Variants in OSBPL8 observed in about 807,000 individuals in gnomAD.
OSBPL8 encodes oxysterol binding protein like 8.
In OSBPL8, 59 loss-of-function variants were observed where a neutral mutation model predicts 125.5. The observed-to-expected ratio is 0.47, with a 90% confidence interval of 0.38 to 0.58. OSBPL8 has a LOEUF of 0.58. OSBPL8 is among the 20% of genes least tolerant of loss of function. The pLI is 0.00. For synonymous variants in OSBPL8, 330 were observed against 338.9 expected, an observed-to-expected ratio of 0.97 and a Z score of 0.29; for missense variants, 758 against 1,047.8, an observed-to-expected ratio of 0.72 and a Z score of 3.82.
At chr12:76,387,389 G>C (rs961053104) in intron 12 of OSBPL8, among the ~76,000 whole-genome samples, 2 of 152,090 alleles carry the variant, frequency 1.3e-5, no homozygotes, top group African/African-American at 4.8e-5. Flanking sequence ...ACCTGCTCTT[G>C]TGTGCTATCA....
intron 2 of OSBPL8, among the ~76,000 whole-genome samples, chr12:76,475,758 G>A (rs1876727953): frequency 6.6e-6 from 1 of 152,186 alleles, no homozygotes; most frequent in Non-Finnish European, 1.5e-5. Flanking sequence ...AAGGCCAGGA[G>A]AAGGGAACAG....
chr12:76,425,629 G>A (rs1489991280), intron 4 of OSBPL8, among the ~76,000 whole-genome samples: 2 of 152,190 alleles, frequency 1.3e-5, no homozygotes, highest in African/African-American at 4.8e-5. Flanking sequence ...CTTTGCCCAA[G>A]TTCTTTGTTG....
intron 10 of OSBPL8, among the ~76,000 whole-genome samples, chr12:76,392,227 T>C (rs779332163): frequency 3.3e-5 from 5 of 152,298 alleles, no homozygotes; most frequent in South Asian, 2.1e-4. Flanking sequence ...GTTTCACACA[T>C]GATGTAATAT....
At chr12:76,363,351 C>T (rs867904330) in intron 21 of OSBPL8, among the ~76,000 whole-genome samples, 6 of 152,238 alleles carry the variant, frequency 3.9e-5, no homozygotes, top group Non-Finnish European at 5.9e-5. Context: ...TCAGAAATAA[C>T]GCCACACATC....
chr12:76,549,336 C>G (rs1347408621), intron 1 of OSBPL8, among the ~76,000 whole-genome samples: 1 of 152,132 alleles, frequency 6.6e-6, no homozygotes, highest in East Asian at 1.9e-4. Flanking sequence ...GTAGAAGATA[C>G]AAAAGAACGG....
intron 18 of OSBPL8, among the ~76,000 whole-genome samples, chr12:76,372,916 G>A (rs566633438): frequency 1.3e-5 from 2 of 152,214 alleles, no homozygotes; most frequent in South Asian, 4.1e-4. Context: ...GGGTTCCTGG[G>A]CTTTAATTCT....
At position 76,559,639 on chromosome 12, in the gene OSBPL8, GA is replaced by G. The variant is rs1318654891; in HGVS notation, c.-311del. The G allele has an allele frequency of 2.1e-4, 32 of 152,350 alleles. No homozygotes were observed. Among genetic ancestry groups the G allele is most frequent in the African/African-American group, 7.7e-4 (32 of 41,586 alleles). The allele number at this position is 152,350 out of a possible 1,614,324, so 9.4% of individuals were successfully genotyped here. On this transcript the variant is annotated 5_prime_UTR_variant, in exon 1 of 24. Transcript: ENST00000261183. ...GCCCCGAGGTCCACCAGCCCGGGCG[GA>G]CCCCCACCTTCCCTCAGTCGGCTTG...
At chr12:76,509,351 T>TA (rs1880746119) in intron 1 of OSBPL8, among the ~76,000 whole-genome samples, 1 of 152,184 alleles carries the variant, frequency 6.6e-6, no homozygotes, top group African/African-American at 2.4e-5. Context: ...TGCCTGTTGT[T>TA]AAGTGACCCA....
chr12:76,521,015 GA>G (rs1288245336), intron 1 of OSBPL8, among the ~76,000 whole-genome samples: 1 of 152,150 alleles, frequency 6.6e-6, no homozygotes, highest in Non-Finnish European at 1.5e-5. Context: ...TAATGTATCA[GA>G]AAGAGCAAAG....
chr12:76,438,658 T>A lies in OSBPL8; in HGVS notation c.217+12193A>T, dbSNP rs550573109. Among the ~76,000 whole-genome samples the A allele has an allele frequency of 9.4e-4, 143 of 152,222 alleles. 1 individual carries two copies. The highest frequency in any genetic ancestry group is 3.1e-3 in the African/African-American group (129 of 41,458). Reference sequence around the variant, plus strand: ...CATGGTTAGGAAAGATCAAGTCTATTCCTAGTTTGCTAAGAGTTTTTATCG... The same window carrying A: ...CATGGTTAGGAAAGATCAAGTCTATACCTAGTTTGCTAAGAGTTTTTATCG... On this transcript the variant is annotated intron_variant, in intron 4 of 23. Coordinates refer to ENST00000261183, the MANE Select transcript of OSBPL8 (RefSeq NM_020841.5).
At chr12:76,397,546 T>C in intron 8 of OSBPL8, 148 bp downstream of exon 8, 8 of 780,526 alleles carry the variant, frequency 1.0e-5, no homozygotes, top group Non-Finnish European at 1.6e-5. Flanking sequence ...TTGTTGTGGG[T>C]AGAGGCAGAA....
At chr12:76,400,424 A>C (rs985678880) in intron 6 of OSBPL8, among the ~76,000 whole-genome samples, 1 of 152,174 alleles carries the variant, frequency 6.6e-6, no homozygotes, top group Admixed American at 6.5e-5. Flanking sequence ...GGTTGATTCC[A>C]TGTCTTTGCT....
chr12:76,369,834 GC>G lies in OSBPL8; in HGVS notation c.2055-13del. 6.3e-7 allele frequency: 1 copy of G among 1,589,526 alleles called. No individual in the cohort carries two copies. Among genetic ancestry groups the G allele is most frequent in the Non-Finnish European group, 8.6e-7 (1 of 1,168,930 alleles). On this transcript the variant is annotated splice_polypyrimidine_tract_variant and intron_variant, in intron 19 of 23. Transcript: ENST00000261183. Reference sequence around the variant, plus strand: ...CCCGTTGCCAGAGTCTAATACATGTGCGAAAATATTAAAAGTATTAAAAATG... The same window carrying G: ...CCCGTTGCCAGAGTCTAATACATGTGGAAAATATTAAAAGTATTAAAAATG...
At chr12:76,438,352 G>A (rs1023737369) in intron 4 of OSBPL8, among the ~76,000 whole-genome samples, 2 of 151,034 alleles carry the variant, frequency 1.3e-5, no homozygotes, top group Non-Finnish European at 2.9e-5. Flanking sequence ...GCTCACGCTG[G>A]AGAGCAGTGG....
chr12:76,470,702 A>C (rs34234937), intron 2 of OSBPL8, among the ~76,000 whole-genome samples: 31,010 of 152,150 alleles, frequency 0.2, 3,402 homozygotes, highest in Non-Finnish European at 0.26. Context: ...CACACTGCAC[A>C]GCATCAAGCC....
At chr12:76,422,750 C>G (rs759928786) in intron 4 of OSBPL8, 14 of 365,264 alleles carry the variant, frequency 3.8e-5, no homozygotes, top group Non-Finnish European at 7.3e-5. Flanking sequence ...TGTAGCAAAA[C>G]CCACCAGCAC....
intron 1 of OSBPL8, among the ~76,000 whole-genome samples, chr12:76,523,469 T>C (rs1238447337): frequency 6.6e-6 from 1 of 152,238 alleles, no homozygotes; most frequent in African/African-American, 2.4e-5. Context: ...TGAATATTTA[T>C]GTCCTCTCCA....
At chr12:76,395,509 C>T (rs370735051) in intron 8 of OSBPL8, among the ~76,000 whole-genome samples, 17 of 151,790 alleles carry the variant, frequency 1.1e-4, no homozygotes, top group East Asian at 5.8e-4. Flanking sequence ...AGATTCAAAA[C>T]GAAAACAGAA....
rs1565907167 is a variant in OSBPL8 at position 76,450,980 on chromosome 12, C to T, written c.88G>A (p.Ala30Thr). Residue 30 changes from alanine to threonine, a missense_variant, in exon 4 of 24, where the codon GCA becomes ACA. Physicochemically the swap from Ala to Thr is moderately conservative, Grantham distance 58. Coordinates refer to ENST00000261183, the MANE Select transcript of OSBPL8 (RefSeq NM_020841.5). Reference sequence around the variant, plus strand: ...AGAAGCTGAGATTCGTCACTGTTTGCTACAACAGCTCAAGGAAAGAAGGGA... The same window carrying T: ...AGAAGCTGAGATTCGTCACTGTTTGTTACAACAGCTCAAGGAAAGAAGGGA... Reference protein sequence around the residue: ...KDVLGPSTVVANSDESQLLTP... With the variant: ...KDVLGPSTVVTNSDESQLLTP... 1 of 1,612,992 alleles carries T rather than the reference C, an allele frequency of 6.2e-7. No homozygotes were observed. The highest frequency in any genetic ancestry group is 8.5e-7 in the Non-Finnish European group (1 of 1,179,556).
Sources: gnomAD v4.1 joint callset for allele counts (sites outside exome capture counted in the v4.1 genomes callset) on GRCh38, gnomAD v4.1.1 for gene constraint, MANE v1.5 for transcripts, NCBI Gene and HGNC (gene_info 2026-07-23, HGNC 2026-07-21) for gene names.